Variants in CACNB4 observed in about 807,000 individuals in gnomAD.
CACNB4 encodes the protein calcium voltage-gated channel auxiliary subunit beta 4.
CACNB4 carries 32 observed loss-of-function variants against 71.2 expected under a neutral mutation model. That is an observed-to-expected ratio of 0.45 (90% CI 0.34 to 0.60). CACNB4 has a LOEUF of 0.60. Ranked by LOEUF, CACNB4 falls within the 20% of genes least tolerant of loss-of-function variation. The pLI is 0.01. For synonymous variants in CACNB4, 231 were observed against 236.9 expected, an observed-to-expected ratio of 0.97 and a Z score of 0.23; for missense variants, 464 against 647.9, an observed-to-expected ratio of 0.72 and a Z score of 3.08.
intron 2 of CACNB4, among the ~76,000 whole-genome samples, chr2:151,927,953 C>T (rs2099860667): frequency 6.6e-6 from 1 of 152,212 alleles, no homozygotes; most frequent in African/African-American, 2.4e-5. Flanking sequence ...GCGCAGGCAG[C>T]AGCAGAAACT....
At chr2:151,967,909 T>C (rs963640241) in intron 2 of CACNB4, 2 of 152,300 alleles carry the variant, frequency 1.3e-5, no homozygotes, top group Middle Eastern at 3.4e-3. Context: ...GAGGAAAATA[T>C]TTATAACTAA....
At chr2:151,841,778 A>T in intron 13 of CACNB4, 125 bp downstream of exon 13, 2 of 765,846 alleles carry the variant, frequency 2.6e-6, no homozygotes, top group Non-Finnish European at 4.3e-6. Flanking sequence ...TAAGATTTTT[A>T]AATATAATGT....
chr2:151,941,804 C>G (rs2099864336), intron 2 of CACNB4, among the ~76,000 whole-genome samples: 2 of 151,990 alleles, frequency 1.3e-5, no homozygotes, highest in Admixed American at 1.3e-4. Flanking sequence ...GTGTTATGTA[C>G]CAAAAATTAA....
At chr2:151,928,625 A>T (rs2099860853) in intron 2 of CACNB4, among the ~76,000 whole-genome samples, 1 of 152,206 alleles carries the variant, frequency 6.6e-6, no homozygotes, top group Admixed American at 6.5e-5. Context: ...AAATAGTTCC[A>T]AACAAACAAA....
At chr2:151,849,413 T>A (rs77285017) in intron 12 of CACNB4, among the ~76,000 whole-genome samples, 21,570 of 152,112 alleles carry the variant, frequency 0.14, 2,501 homozygotes, top group East Asian at 0.49. Flanking sequence ...AGCTAATTTT[T>A]AAAAATTTCC....
At chr2:152,070,661 A>G (rs147656511) in intron 2 of CACNB4, among the ~76,000 whole-genome samples, 2 of 152,344 alleles carry the variant, frequency 1.3e-5, no homozygotes, top group African/African-American at 4.8e-5. Context: ...GGCTAGCAAA[A>G]AGGAAGTTGG....
intron 2 of CACNB4, among the ~76,000 whole-genome samples, chr2:152,022,360 C>T (rs538500934): frequency 7.4e-4 from 112 of 152,326 alleles, no homozygotes; most frequent in African/African-American, 2.5e-3. Flanking sequence ...ATAACTATTT[C>T]ACAAAGGACA....
intron 2 of CACNB4, among the ~76,000 whole-genome samples, chr2:151,938,987 T>A (rs149926630): frequency 6.6e-6 from 1 of 152,358 alleles, no homozygotes; most frequent in African/African-American, 2.4e-5. Context: ...CCTTTCTCTA[T>A]CTGCAGATAT....
In CACNB4 at chr2:151,832,920, A is replaced by C. The variant is rs2099834124; in HGVS notation, c.*6199T>G. On this transcript the variant is annotated 3_prime_UTR_variant, in exon 14 of 14. Coordinates refer to ENST00000539935, the MANE Select transcript of CACNB4 (RefSeq NM_000726.5). ...CTTTGTTAATGTTTTTATTCACAAA[A>C]ATAACACCACGTTTTTTTCTTTAAA... 1.3e-5 allele frequency: 2 copies of C among 152,206 alleles called. No homozygotes were observed. Among genetic ancestry groups the C allele is most frequent in the Non-Finnish European group, 2.9e-5 (2 of 68,020 alleles). 9.4% of individuals were successfully genotyped at this position (152,206 alleles called of 1,614,324 possible).
intron 9 of CACNB4, chr2:151,868,699 G>A (rs994658881): frequency 6.6e-6 from 1 of 151,820 alleles, no homozygotes; most frequent in African/African-American, 2.4e-5. Context: ...CACTTTGGGA[G>A]GCTTATGATT....
At chr2:152,090,843 C>T (rs542874538) in intron 2 of CACNB4, among the ~76,000 whole-genome samples, 6 of 151,938 alleles carry the variant, frequency 3.9e-5, no homozygotes, top group Admixed American at 6.6e-5. Context: ...GTCAGGCATT[C>T]AAGACCAGCC....
intron 2 of CACNB4, among the ~76,000 whole-genome samples, chr2:152,066,914 T>C (rs1686362338): frequency 1.4e-5 from 2 of 145,830 alleles, no homozygotes; most frequent in Non-Finnish European, 3.0e-5. Flanking sequence ...AAACACCGCA[T>C]ATTCTCACTC....
At chr2:151,853,408 C>T (rs1001394722) in intron 12 of CACNB4, 40 bp downstream of exon 12, 1 of 1,213,278 alleles carries the variant, frequency 8.2e-7, no homozygotes, top group Non-Finnish European at 1.2e-6. Context: ...CCTCTTCTAA[C>T]TAGTCAAGAA....
At chr2:151,940,748 G>A (rs143471553) in intron 2 of CACNB4, among the ~76,000 whole-genome samples, 81 of 152,226 alleles carry the variant, frequency 5.3e-4, no homozygotes, top group African/African-American at 1.8e-3. Flanking sequence ...GTCTATGGTG[G>A]GCAAACATAC....
At chr2:152,042,542 C>T (rs1263318625) in intron 2 of CACNB4, among the ~76,000 whole-genome samples, 1 of 152,130 alleles carries the variant, frequency 6.6e-6, no homozygotes, top group East Asian at 1.9e-4. Context: ...ACCCAAATCA[C>T]CGGCTAAATG....
At chr2:151,855,807 A>T (rs2099840143) in intron 10 of CACNB4, among the ~76,000 whole-genome samples, 1 of 152,188 alleles carries the variant, frequency 6.6e-6, no homozygotes, top group Admixed American at 6.5e-5. Flanking sequence ...CGAAGTATAA[A>T]CTAATACTTT....
At chr2:152,050,730 T>G (rs1482842759) in intron 2 of CACNB4, among the ~76,000 whole-genome samples, 1 of 152,058 alleles carries the variant, frequency 6.6e-6, no homozygotes, top group Non-Finnish European at 1.5e-5. Context: ...AAAAATTTTT[T>G]TTTAATGCAG....
intron 2 of CACNB4, among the ~76,000 whole-genome samples, chr2:151,989,415 C>T (rs1681560270): frequency 6.6e-6 from 1 of 152,156 alleles, no homozygotes; most frequent in Non-Finnish European, 1.5e-5. Context: ...TTGCCAGTGA[C>T]CTCTTTGTTG....
chr2:152,026,969 T>C (rs1220633184), intron 2 of CACNB4, among the ~76,000 whole-genome samples: 3 of 151,686 alleles, frequency 2.0e-5, no homozygotes, highest in African/African-American at 7.3e-5. Context: ...TGCAGTGGTG[T>C]AATCTCAGCT....
Sources: allele counts gnomAD v4.1 joint callset (sites outside exome capture counted in the v4.1 genomes callset), GRCh38; gene constraint gnomAD v4.1.1; transcripts MANE v1.5; gene names NCBI Gene and HGNC (gene_info 2026-07-23, HGNC 2026-07-21).